The following MKLN1 variants were observed in gnomAD, a reference collection of about 807,000 sequenced individuals.
MKLN1 encodes the protein muskelin.
In MKLN1, 18 loss-of-function variants were observed where a neutral mutation model predicts 99.0. The ratio of observed to expected loss-of-function variants is 0.18; its 90% CI spans 0.13 to 0.27. The LOEUF (loss-of-function observed/expected upper bound fraction) is 0.27, where lower values mean the gene tolerates loss of function less well. Ranked by LOEUF, MKLN1 falls within the 10% of genes least tolerant of loss-of-function variation. The pLI is 1.00. For missense variants in MKLN1, 621 were observed against 875.9 expected, an observed-to-expected ratio of 0.71 and a Z score of 3.67; for synonymous variants, 288 against 293.2, an observed-to-expected ratio of 0.98 and a Z score of 0.18.
chr7:131,400,518 A>AATATATATATATATATATAT (rs56156009), intron 6 of MKLN1, among the ~76,000 whole-genome samples: 1 of 137,436 alleles, frequency 7.3e-6, no homozygotes, highest in Non-Finnish European at 1.5e-5. Flanking sequence ...ATAAAAAAAA[A>AATATATATATATATATATAT]ATATATATAT....
chr7:131,309,704 C>G (rs555524751), intron 3 of MKLN1: 1 of 150,376 alleles, frequency 6.6e-6, no homozygotes, highest in African/African-American at 2.4e-5. Context: ...TGAACCACCA[C>G]ACTCAGCCAC....
At chr7:131,145,002 A>C (rs1014199743) in intron 2 of MKLN1, among the ~76,000 whole-genome samples, 4 of 151,874 alleles carry the variant, frequency 2.6e-5, no homozygotes, top group African/African-American at 7.3e-5. Flanking sequence ...CAACCACAAC[A>C]ACAACAACAA....
intron 3 of MKLN1, among the ~76,000 whole-genome samples, chr7:131,281,297 T>G (rs1017268198): frequency 1.3e-5 from 2 of 152,170 alleles, no homozygotes; most frequent in African/African-American, 4.8e-5. Context: ...AAAAAACGGT[T>G]CTTTCCCTAT....
chr7:131,169,848 C>T (rs1796191111), intron 2 of MKLN1, among the ~76,000 whole-genome samples: 1 of 152,056 alleles, frequency 6.6e-6, no homozygotes, highest in Admixed American at 6.6e-5. Flanking sequence ...ATAGAATTTC[C>T]CAAGAAATAT....
chr7:131,397,765 A>G (rs1794402170), intron 5 of MKLN1, among the ~76,000 whole-genome samples: 1 of 152,194 alleles, frequency 6.6e-6, no homozygotes, highest in African/African-American at 2.4e-5. Context: ...TTGTATTCAT[A>G]TAAATACTTA....
At chr7:131,453,448 T>C (rs1796244744) in intron 12 of MKLN1, among the ~76,000 whole-genome samples, 1 of 152,122 alleles carries the variant, frequency 6.6e-6, no homozygotes, top group Non-Finnish European at 1.5e-5. Context: ...CATGGAGACA[T>C]TGCTTAAGAC....
chr7:131,444,732 GTA>G (rs1795946473), intron 11 of MKLN1, among the ~76,000 whole-genome samples: 1 of 121,722 alleles, frequency 8.2e-6, no homozygotes. Context: ...AGTAGTAGTA[GTA>G]GTAGTAGTAG....
intron 4 of MKLN1, among the ~76,000 whole-genome samples, chr7:131,389,651 A>G (rs1017944816): frequency 6.6e-6 from 1 of 152,008 alleles, no homozygotes; most frequent in South Asian, 2.1e-4. Flanking sequence ...TTCCTATAGG[A>G]TTTATTATTT....
chr7:131,349,157 A>G (rs991168360), intron 1 of MKLN1, among the ~76,000 whole-genome samples: 14 of 152,186 alleles, frequency 9.2e-5, no homozygotes, highest in Admixed American at 5.2e-4. Flanking sequence ...ATATAAATGA[A>G]GCCTTTGAGA....
At chr7:131,298,953 G>A (rs568499721) in intron 3 of MKLN1, among the ~76,000 whole-genome samples, 53 of 152,322 alleles carry the variant, frequency 3.5e-4, no homozygotes, top group African/African-American at 1.3e-3. Flanking sequence ...CGAGGTAGGA[G>A]GAGCGCTTCA....
rs182868610 is a variant in MKLN1 at position 131,435,300 on chromosome 7, G to A, written c.961-2485G>A. Among the ~76,000 whole-genome samples the A allele has an allele frequency of 2.4e-4, 36 of 152,194 alleles. 1 individual carries two copies. Among genetic ancestry groups the A allele is most frequent in the Admixed American group, 2.2e-3 (33 of 15,296 alleles). On this transcript the variant is annotated intron_variant, in intron 9 of 17. Transcript: ENST00000352689. ...TTAGTTTTGTCTATGTTCATAAGGG[G>A]TCCTAGCCATCTGTAAATGATTTCT...
At chr7:131,340,675 T>C (rs1799383483) in intron 1 of MKLN1, among the ~76,000 whole-genome samples, 1 of 152,224 alleles carries the variant, frequency 6.6e-6, no homozygotes, top group Admixed American at 6.5e-5. Context: ...TTTTCCTCCA[T>C]CATCCTTGTA....
At chr7:131,356,255 GTT>G in intron 1 of MKLN1, among the ~76,000 whole-genome samples, 1 of 152,040 alleles carries the variant, frequency 6.6e-6, no homozygotes, top group East Asian at 1.9e-4. Context: ...CTGCTGATGA[GTT>G]TCAGGTGTTT....
intron 1 of MKLN1, among the ~76,000 whole-genome samples, chr7:131,365,468 A>G (rs1372879353): frequency 6.6e-6 from 1 of 151,986 alleles, no homozygotes; most frequent in Non-Finnish European, 1.5e-5. Flanking sequence ...CCACTTGTCA[A>G]TTTTTGTTTT....
At chr7:131,182,384 T>C (rs1796388832) in intron 2 of MKLN1, among the ~76,000 whole-genome samples, 1 of 152,212 alleles carries the variant, frequency 6.6e-6, no homozygotes, top group South Asian at 2.1e-4. Flanking sequence ...TAATTATTTT[T>C]ACTTTCACGT....
chr7:131,257,229 A>G (rs2116528240), intron 3 of MKLN1, among the ~76,000 whole-genome samples: 1 of 152,342 alleles, frequency 6.6e-6, no homozygotes, highest in East Asian at 1.9e-4. Context: ...ATTATAGAAC[A>G]TGCCTTAATA....
intron 1 of MKLN1, among the ~76,000 whole-genome samples, chr7:131,329,908 C>T (rs1294653192): frequency 6.6e-6 from 1 of 152,198 alleles, no homozygotes; most frequent in Non-Finnish European, 1.5e-5. Flanking sequence ...AACTTTCATA[C>T]ACTTCCACTT....
intron 16 of MKLN1, chr7:131,471,196 T>G (rs1203680674): frequency 3.3e-6 from 1 of 299,464 alleles, no homozygotes; most frequent in Non-Finnish European, 6.1e-6. Context: ...TTTAACTTAG[T>G]TTTGTGTTTT....
rs115556331 is a variant in MKLN1, at chr7:131,354,307, C to G, written c.99-21117C>G. ...GGTCTTCTTCAATTTCTTTTATCAG[C>G]ATTTTGTAGTTTTCAGGATACAGAG... On this transcript the variant is annotated intron_variant, in intron 1 of 17. Coordinates refer to ENST00000352689, the MANE Select transcript of MKLN1 (RefSeq NM_013255.5). Among the ~76,000 whole-genome samples, 293 of 152,146 alleles carry G rather than the reference C, an allele frequency of 1.9e-3. 2 individuals carry two copies. The highest frequency in any genetic ancestry group is 6.9e-3 in the African/African-American group (285 of 41,520).
Sources: gnomAD v4.1 joint callset for allele counts (sites outside exome capture counted in the v4.1 genomes callset) on GRCh38, gnomAD v4.1.1 for gene constraint, MANE v1.5 for transcripts, NCBI Gene and HGNC (gene_info 2026-07-23, HGNC 2026-07-21) for gene names.